UHRF1: variants seen among roughly 807,000 people sequenced by gnomAD.
The protein encoded by UHRF1 is ubiquitin like with PHD and ring finger domains 1.
A neutral mutation model predicts 96.5 loss-of-function variants in UHRF1; 9 were observed. That is an observed-to-expected ratio of 0.09 (90% CI 0.06 to 0.16). UHRF1 has a LOEUF of 0.16. UHRF1 is among the 10% of genes least tolerant of loss of function. UHRF1 has a pLI of 1.00. For missense variants in UHRF1, 626 were observed against 1,131.1 expected, an observed-to-expected ratio of 0.55 and a Z score of 6.40; for synonymous variants, 455 against 469.9, an observed-to-expected ratio of 0.97 and a Z score of 0.41.
intron 3 of UHRF1, 38 bp downstream of exon 3, chr19:4,929,514 T>C (rs1187253945): frequency 1.9e-6 from 3 of 1,587,292 alleles, no homozygotes; most frequent in Non-Finnish European, 2.6e-6. Flanking sequence ...GGGTTGGACG[T>C]TCTCCCTGCC....
intron 2 of UHRF1, among the ~76,000 whole-genome samples, chr19:4,924,118 C>T (rs759648811): frequency 2.0e-5 from 3 of 152,172 alleles, no homozygotes; most frequent in Non-Finnish European, 2.9e-5. Context: ...AGGCACTAAC[C>T]ACCATGCCTG....
intron 2 of UHRF1, among the ~76,000 whole-genome samples, chr19:4,917,077 G>A (rs1045965182): frequency 2.6e-5 from 4 of 151,652 alleles, no homozygotes; most frequent in African/African-American, 7.3e-5. Context: ...CGGTGGGGGG[G>A]GGGGGTGCAG....
upstream of UHRF1, among the ~76,000 whole-genome samples, chr19:4,906,857 G>A (rs1398806256): frequency 3.9e-5 from 6 of 152,226 alleles, no homozygotes; most frequent in African/African-American, 1.2e-4. Flanking sequence ...GATAGAAATA[G>A]GCTAGGTTCC....
chr19:4,910,854 T>A, intron 1 of UHRF1, 22 bp from the exon 2 acceptor site: 1 of 1,567,586 alleles, frequency 6.4e-7, no homozygotes. Context: ...CTGATGGGGG[T>A]TTTTGCTGTC....
intron 16 of UHRF1, 35 bp from the exon 17 acceptor site, chr19:4,960,622 G>C (rs760796036): frequency 1.2e-6 from 2 of 1,606,768 alleles, no homozygotes; most frequent in African/African-American, 2.7e-5. Flanking sequence ...TGATGGTGTG[G>C]ATGGCACTTC....
At chr19:4,939,835 A>G (rs2602720) in intron 5 of UHRF1, among the ~76,000 whole-genome samples, 1 of 151,870 alleles carries the variant, frequency 6.6e-6, no homozygotes, top group Admixed American at 6.6e-5. Context: ...CCATCCTGGC[A>G]AACACGGTGA....
chr19:4,946,011 T>G (rs368688199), intron 10 of UHRF1, 46 bp downstream of exon 10: 59 of 1,431,438 alleles, frequency 4.1e-5, no homozygotes, highest in Non-Finnish European at 3.8e-6. Context: ...CTCTAGTTTT[T>G]TGGATGGTGG....
intron 5 of UHRF1, among the ~76,000 whole-genome samples, chr19:4,940,775 C>G (rs2033368864): frequency 6.7e-6 from 1 of 150,226 alleles, no homozygotes; most frequent in Admixed American, 6.6e-5. Flanking sequence ...TGGGTTCAAG[C>G]AATTCTCCTG....
chr19:4,949,846 G>GT (rs35696908), intron 11 of UHRF1, among the ~76,000 whole-genome samples: 21 of 149,556 alleles, frequency 1.4e-4, no homozygotes, highest in East Asian at 7.9e-4. Flanking sequence ...CTTTTTGTTT[G>GT]TTTTTTTTTT....
In UHRF1 at chr19:4,939,661, C is replaced by T. The variant is rs756675698; in HGVS notation, c.786-1867C>T. Among the ~76,000 whole-genome samples the T allele has an allele frequency of 7.9e-5, 12 of 152,208 alleles. No individual in the cohort carries two copies. The Middle Eastern group carries it at 0.01, about 129-fold the overall frequency. On this transcript the variant is annotated intron_variant, in intron 5 of 16. Coordinates refer to ENST00000650932, the MANE Select transcript of UHRF1 (RefSeq NM_001048201.3). ...AGGTCAGTGTGTTCCCACACTGTCC[C>T]ATAGCCAAGAGCCACCTGTGCTGTG...
At chr19:4,913,980 T>G (rs2032392198) in intron 2 of UHRF1, among the ~76,000 whole-genome samples, 1 of 151,708 alleles carries the variant, frequency 6.6e-6, no homozygotes, top group Non-Finnish European at 1.5e-5. Flanking sequence ...CGCAGCTAAT[T>G]TTTTTTGTAT....
chr19:4,944,515 T>G, intron 9 of UHRF1, 65 bp downstream of exon 9: 3 of 1,580,434 alleles, frequency 1.9e-6, no homozygotes. Flanking sequence ...GGGGGCAGTT[T>G]CTCCTGGCTT....
intron 9 of UHRF1, 123 bp downstream of exon 9, chr19:4,944,573 G>C (rs944195500): frequency 1.9e-6 from 2 of 1,044,618 alleles, no homozygotes; most frequent in Admixed American, 2.1e-5. Context: ...TCGGCTAGCC[G>C]AGGAGGGGTG....
intron 16 of UHRF1, among the ~76,000 whole-genome samples, chr19:4,957,874 C>T (rs977585578): frequency 2.0e-5 from 3 of 152,178 alleles, no homozygotes; most frequent in Admixed American, 6.5e-5. Context: ...GTGATGGTTT[C>T]TCTGCTGCAA....
intron 2 of UHRF1, among the ~76,000 whole-genome samples, chr19:4,923,524 G>A (rs554126404): frequency 4.6e-5 from 7 of 152,316 alleles, no homozygotes; most frequent in South Asian, 4.1e-4. Context: ...AGCCATGAGC[G>A]CGGCCTGTGT....
At chr19:4,944,079 G>T in intron 7 of UHRF1, 53 bp from the exon 8 acceptor site, 1 of 1,605,136 alleles carries the variant, frequency 6.2e-7, no homozygotes, top group South Asian at 1.1e-5. Context: ...GGCACATGTT[G>T]GCTGAGACAT....
In UHRF1 at chr19:4,960,811, G is replaced by GC; in HGVS notation, c.*9dup. ...TACGGCAATGGCCGGTGATCTCCAA[G>GC]CACTTCTCGACAGGCGTTTTGCTGA... On this transcript the variant is annotated 3_prime_UTR_variant, in exon 17 of 17. Transcript: ENST00000650932. The GC allele has an allele frequency of 1.3e-6, 2 of 1,496,716 alleles. No individual in the cohort carries two copies. The highest frequency in any genetic ancestry group is 1.8e-6 in the Non-Finnish European group (2 of 1,094,260). The allele number at this position is 1,496,716 out of a possible 1,614,324, so 92.7% of individuals were successfully genotyped here. A position where few individuals can be genotyped will look rare whatever the true frequency, so the allele number is the denominator to read the frequency against.
At chr19:4,955,095 G>A (rs1456862823) in intron 15 of UHRF1, among the ~76,000 whole-genome samples, 2 of 150,602 alleles carry the variant, frequency 1.3e-5, no homozygotes, top group East Asian at 2.0e-4. Flanking sequence ...CCCTGCACCC[G>A]CTCCCCAGCT....
chr19:4,921,487 G>A (rs1016364839), intron 2 of UHRF1, among the ~76,000 whole-genome samples: 1 of 152,038 alleles, frequency 6.6e-6, no homozygotes, highest in African/African-American at 2.4e-5. Context: ...GGGCACAGTG[G>A]CTGGGTCCTG....
Sources: allele counts gnomAD v4.1 joint callset (sites outside exome capture counted in the v4.1 genomes callset), GRCh38; gene constraint gnomAD v4.1.1; transcripts MANE v1.5; gene names NCBI Gene and HGNC (gene_info 2026-07-23, HGNC 2026-07-21).